Variants in USP53 observed in about 807,000 individuals in gnomAD.
USP53 encodes ubiquitin carboxyl-terminal hydrolase 53.
Under a neutral mutation model 94.9 loss-of-function variants are expected in USP53, and 71 were observed. The observed-to-expected ratio is 0.75, with a 90% CI of 0.62 to 0.91. The LOEUF is 0.91. Ranked by LOEUF, USP53 falls within the 40% of genes least tolerant of loss-of-function variation. The pLI is 0.00. For missense variants in USP53, 1,173 were observed against 1,281.0 expected, an observed-to-expected ratio of 0.92 and a Z score of 1.29; for synonymous variants, 375 against 422.7, an observed-to-expected ratio of 0.89 and a Z score of 1.39.
intron 3 of USP53, among the ~76,000 whole-genome samples, chr4:119,234,466 G>T (rs1245598725): frequency 6.6e-6 from 1 of 152,152 alleles, no homozygotes; most frequent in African/African-American, 2.4e-5. Flanking sequence ...ATCTGTTTGT[G>T]TCTGTGCCCC....
In USP53 at chr4:119,292,632, G is replaced by A. The variant is rs371495523; in HGVS notation, c.2643G>A (p.Gln881=). 9.9e-6 allele frequency: 16 copies of A among 1,613,924 alleles called. No individual in the cohort carries two copies. The Admixed American group carries it at 1.2e-4, about 12-fold the overall frequency. The change falls in exon 19 of 19, where the codon CAG becomes CAA. Residue 881 remains glutamine (Q), a synonymous_variant. Transcript: ENST00000692078. ...GLKPETAPLI[Q]QQNIMDQCYF... is the part of the protein sequence containing the mutation. ...AGCCAGAAACTGCTCCTCTCATCCA[G>A]CAACAAAATATCATGGATCAATGTT...
intron 17 of USP53, among the ~76,000 whole-genome samples, chr4:119,279,687 C>T (rs919595298): frequency 6.6e-6 from 1 of 152,126 alleles, no homozygotes; most frequent in African/African-American, 2.4e-5. Context: ...ATGGCGGGCG[C>T]CCCTCCCCCA....
chr4:119,289,710 A>T (rs116136871), intron 17 of USP53, among the ~76,000 whole-genome samples: 2,797 of 152,296 alleles, frequency 0.018, 49 homozygotes, highest in Middle Eastern at 0.061. Context: ...TTCTATCAGT[A>T]TATTGGTGCC....
At chr4:119,226,211 T>G (rs1448379918) in intron 3 of USP53, among the ~76,000 whole-genome samples, 1 of 152,182 alleles carries the variant, frequency 6.6e-6, no homozygotes, top group East Asian at 1.9e-4. Context: ...CAGCTAACCC[T>G]ACACATAAGG....
At position 119,292,575 on chromosome 4, in the gene USP53, A is replaced by G. The variant is rs557231882; in HGVS notation, c.2586A>G (p.Leu862=). ...TGAACAGTAATGAACCATCTTCATTATGGTCTTCACACCTAAGAACTGTTG... is the reference window on the plus strand; with the variant it reads ...TGAACAGTAATGAACCATCTTCATTGTGGTCTTCACACCTAAGAACTGTTG... ...KRVNSNEPSS[L]WSSHLRTVGL... is the part of the protein sequence containing the mutation. The change falls in exon 19 of 19, where the codon TTA becomes TTG. Residue 862 remains leucine (L), a synonymous_variant. Transcript: ENST00000692078. The G allele has an allele frequency of 6.2e-7, 1 of 1,614,090 alleles. No homozygotes were observed. Among genetic ancestry groups the G allele is most frequent in the Middle Eastern group, 1.6e-4 (1 of 6,062 alleles).
chr4:119,271,406 T>C lies in USP53; in HGVS notation c.1546T>C (p.Tyr516His). The change falls in exon 16 of 19, where the codon TAT becomes CAT. Residue 516 changes from tyrosine (Y) to histidine (H), a missense_variant. By Grantham distance (83) the Tyr-to-His change is moderately conservative (BLOSUM62 2). Coordinates refer to ENST00000692078, the MANE Select transcript of USP53 (RefSeq NM_001371395.1). ...HLYHSQGKGS[Y>H]KHDRVVPQSR... ...ATATCATAGTCAAGGAAAAGGATCA[T>C]ATAAACATGACCGAGTTGTACCTCA... The C allele has an allele frequency of 1.2e-6, 2 of 1,613,994 alleles. No individual in the cohort carries two copies. Among genetic ancestry groups the C allele is most frequent in the Non-Finnish European group, 1.7e-6 (2 of 1,180,004 alleles).
intron 3 of USP53, among the ~76,000 whole-genome samples, chr4:119,222,072 G>C (rs1278002100): frequency 6.6e-6 from 1 of 152,056 alleles, no homozygotes; most frequent in Non-Finnish European, 1.5e-5. Flanking sequence ...GATTTTTCAA[G>C]CTTAAATTAA....
Position 119,239,711 on chromosome 4 carries a change from C to A in USP53, c.-49C>A. 6.4e-7 allele frequency: 1 copy of A among 1,559,894 alleles called. No individual in the cohort carries two copies. The highest frequency in any genetic ancestry group is 1.2e-5 in the South Asian group (1 of 81,520). On this transcript the variant is annotated 5_prime_UTR_variant, in exon 5 of 19. Transcript: ENST00000692078. Reference sequence around the variant, plus strand: ...ATCCATTTTATTGTCCAAAATATTACATAAAAGTGTACAGTTTTTAGCCTA... The same window carrying A: ...ATCCATTTTATTGTCCAAAATATTAAATAAAAGTGTACAGTTTTTAGCCTA...
rs551730276 is a variant in USP53, at chr4:119,293,024, G to T, written c.3035G>T (p.Gly1012Val). ...ACTAACGATTTTCAGGCAAACTCAG[G>T]TGCCATTGATGCATTTTGCCAACCA... is the stretch of plus-strand genomic sequence containing the variant. ...SSTNDFQANS[G>V]AIDAFCQPEL... The change falls in exon 19 of 19, where the codon GGT becomes GTT. Residue 1012 changes from glycine (G) to valine (V), a missense_variant. Transcript: ENST00000692078. The T allele has an allele frequency of 6.2e-7, 1 of 1,613,976 alleles. No homozygotes were observed. The highest frequency in any genetic ancestry group is 8.5e-7 in the Non-Finnish European group (1 of 1,179,972).
intron 3 of USP53, among the ~76,000 whole-genome samples, chr4:119,233,942 G>C (rs868354267): frequency 1.3e-5 from 2 of 152,114 alleles, no homozygotes; most frequent in Non-Finnish European, 1.5e-5. Flanking sequence ...GATGCAGTTC[G>C]ACAGTTGGTG....
At position 119,260,513 on chromosome 4, in the gene USP53, T is replaced by C. The variant is rs745705481; in HGVS notation, c.682T>C (p.Cys228Arg). 31 of 1,613,464 alleles carry C rather than the reference T, an allele frequency of 1.9e-5. 1 individual carries two copies. The African/African-American group carries it at 2.7e-4, about 14-fold the overall frequency. ...CTTTTATGTTTTTCTGTAGAGTAAC[T>C]GTGGCCAAAAAATAAAAATTCGCCG... ...TDDYRKCPSN[C>R]GQKIKIRRVL... The change falls in exon 11 of 19, where the codon TGT becomes CGT. Residue 228 changes from cysteine to arginine, a missense_variant. Coordinates refer to ENST00000692078, the MANE Select transcript of USP53 (RefSeq NM_001371395.1).
In USP53 at chr4:119,286,412, G is replaced by A. The variant is rs1211471112; in HGVS notation, c.2252-4753G>A. Among the ~76,000 whole-genome samples the A allele has an allele frequency of 4.6e-5, 7 of 151,482 alleles. No individual in the cohort carries two copies. In the South Asian group the frequency reaches 8.3e-4, roughly 18 times the overall value. ...GCGTTAAAATTGGACTTAGATTTGCGAATAACCTGGAGCCAAAATTCCTCA... is the reference window on the plus strand; with the variant it reads ...GCGTTAAAATTGGACTTAGATTTGCAAATAACCTGGAGCCAAAATTCCTCA... On this transcript the variant is annotated intron_variant, in intron 17 of 18. Transcript: ENST00000692078.
intron 12 of USP53, chr4:119,266,362 C>G (rs1751129197): frequency 2.2e-6 from 1 of 455,976 alleles, no homozygotes; most frequent in African/African-American, 2.0e-5. Context: ...TTACAAGAAA[C>G]TGTCAAATTG....
chr4:119,276,885 G>A (rs1392720382), intron 17 of USP53, among the ~76,000 whole-genome samples: 44 of 62,288 alleles, frequency 7.1e-4, no homozygotes, highest in Admixed American at 2.0e-3. Flanking sequence ...GTTTATTTGC[G>A]TAGAGGTGTT....
chr4:119,233,259 T>C (rs1465251371), intron 3 of USP53, among the ~76,000 whole-genome samples: 6 of 152,006 alleles, frequency 3.9e-5, no homozygotes, highest in African/African-American at 1.2e-4. Flanking sequence ...ATTTTTTCTA[T>C]TGTTTGACTA....
At chr4:119,226,886 T>C (rs1210931350) in intron 3 of USP53, among the ~76,000 whole-genome samples, 1 of 152,182 alleles carries the variant, frequency 6.6e-6, no homozygotes, top group African/African-American at 2.4e-5. Context: ...CAAGCTGAAG[T>C]GTAGTGGCAC....
At chr4:119,224,321 T>C (rs1744964407) in intron 3 of USP53, among the ~76,000 whole-genome samples, 1 of 152,218 alleles carries the variant, frequency 6.6e-6, no homozygotes, top group Admixed American at 6.5e-5. Context: ...ACAGAACCGA[T>C]GTATAAATGC....
rs190855431 is a variant in USP53 at position 119,267,604 on chromosome 4, G to T, written c.1135+122G>T. 272 of 1,149,158 alleles carry T rather than the reference G, an allele frequency of 2.4e-4. No individual in the cohort carries two copies. The African/African-American group carries it at 3.9e-3, about 16-fold the overall frequency. The allele number at this position is 1,149,158 out of a possible 1,614,324, so 71.2% of individuals were successfully genotyped here. A position where few individuals can be genotyped will look rare whatever the true frequency, so the allele number is the denominator to read the frequency against. ...TTCAAATTTGACTTTCAGTAGAGCT[G>T]AGGAAATTTTAGTAATTTTTGTTAG... On this transcript the variant is annotated intron_variant, in intron 13 of 18. Coordinates refer to ENST00000692078, the MANE Select transcript of USP53 (RefSeq NM_001371395.1).
intron 6 of USP53, among the ~76,000 whole-genome samples, chr4:119,246,782 G>A (rs1044303412): frequency 6.6e-6 from 1 of 152,100 alleles, no homozygotes; most frequent in Non-Finnish European, 1.5e-5. Flanking sequence ...GAAAATAGAA[G>A]GAAGACAAAG....
Sources: gnomAD v4.1 joint callset for allele counts (sites outside exome capture counted in the v4.1 genomes callset) on GRCh38, gnomAD v4.1.1 for gene constraint, MANE v1.5 for transcripts, NCBI Gene and HGNC (gene_info 2026-07-23, HGNC 2026-07-21) for gene names.